PDGFD: variants seen among roughly 807,000 people sequenced by gnomAD.
PDGFD encodes the protein platelet-derived growth factor D.
A neutral mutation model predicts 44.7 loss-of-function variants in PDGFD; 30 were observed. That is an observed-to-expected ratio of 0.67 (90% CI 0.50 to 0.91). The LOEUF (loss-of-function observed/expected upper bound fraction) is 0.91. Among genes scored for constraint, PDGFD ranks in the 40% least tolerant of loss-of-function variants. The pLI is 0.00. For missense variants in PDGFD, 445 were observed against 457.8 expected (o/e 0.97, Z 0.25); for synonymous variants, 173 against 168.4 (o/e 1.03, Z -0.21).
In PDGFD at chr11:104,054,200, C is replaced by T. The variant is rs190605887; in HGVS notation, c.125-53945G>A. 8.5e-5 allele frequency among the ~76,000 whole-genome samples: 13 copies of T among 152,274 alleles called. No individual in the cohort carries two copies. In the East Asian group the frequency reaches 1.7e-3, roughly 20 times the overall value. On this transcript the variant is annotated intron_variant, in intron 1 of 6. Transcript: ENST00000393158. ...TGGGAAGCGATTTCTGCAAAGGAAG[C>T]GAAAAGCTCCACATTGCTGGGAAAT...
chr11:104,029,048 T>C (rs1860087996), intron 1 of PDGFD, among the ~76,000 whole-genome samples: 1 of 152,196 alleles, frequency 6.6e-6, no homozygotes, highest in Non-Finnish European at 1.5e-5. Flanking sequence ...AACAAGAGCA[T>C]ATCAGCAGTT....
chr11:104,043,677 G>A (rs1046383772), intron 1 of PDGFD, among the ~76,000 whole-genome samples: 6 of 152,162 alleles, frequency 3.9e-5, no homozygotes, highest in African/African-American at 1.4e-4. Context: ...ATCTGCTTCT[G>A]GTGAGAGCCT....
chr11:104,149,881 T>C (rs775115217), intron 1 of PDGFD, among the ~76,000 whole-genome samples: 3 of 152,068 alleles, frequency 2.0e-5, no homozygotes, highest in Non-Finnish European at 4.4e-5. Flanking sequence ...AATGAAATGA[T>C]GGTGAAAAAA....
At chr11:104,120,497 C>T (rs192080910) in intron 1 of PDGFD, among the ~76,000 whole-genome samples, 196 of 151,974 alleles carry the variant, frequency 1.3e-3, no homozygotes, top group Non-Finnish European at 2.0e-3. Flanking sequence ...CTGGCACCAA[C>T]GGCCTTCGAT....
rs866246355 is a variant in PDGFD, at chr11:104,049,381, C to T, written c.125-49126G>A. Among the ~76,000 whole-genome samples, 7 of 152,058 alleles carry T rather than the reference C, an allele frequency of 4.6e-5. No individual in the cohort carries two copies. In the South Asian group the frequency reaches 1.0e-3, roughly 23 times the overall value. On this transcript the variant is annotated intron_variant, in intron 1 of 6. Coordinates refer to ENST00000393158, the MANE Select transcript of PDGFD (RefSeq NM_025208.5). ...GAAACTAAGAGTGTTCAAGGACGAACGACAAAGAGAATGGTTAGGGTGGCT... is the reference window on the plus strand; with the variant it reads ...GAAACTAAGAGTGTTCAAGGACGAATGACAAAGAGAATGGTTAGGGTGGCT...
intron 1 of PDGFD, among the ~76,000 whole-genome samples, chr11:104,163,089 T>C (rs918168113): frequency 2.6e-5 from 4 of 152,142 alleles, no homozygotes; most frequent in African/African-American, 9.7e-5. Flanking sequence ...TCAGGAGCTG[T>C]GCTCCTTGTA....
intron 3 of PDGFD, among the ~76,000 whole-genome samples, chr11:103,968,994 A>C (rs1486643135): frequency 1.3e-5 from 2 of 152,184 alleles, no homozygotes; most frequent in Middle Eastern, 3.2e-3. Flanking sequence ...CATTTATCTA[A>C]TTCCACTTCA....
intron 5 of PDGFD, 119 bp from the exon 6 acceptor site, chr11:103,927,245 A>AG: frequency 3.5e-6 from 3 of 862,646 alleles, no homozygotes; most frequent in Non-Finnish European, 5.4e-6. Context: ...CTGGGATTAA[A>AG]TCCATCCTCA....
At chr11:104,029,510 T>G (rs1417273980) in intron 1 of PDGFD, among the ~76,000 whole-genome samples, 1 of 152,240 alleles carries the variant, frequency 6.6e-6, no homozygotes, top group Non-Finnish European at 1.5e-5. Context: ...AAGACAGTTG[T>G]GGAAACATTA....
rs17093699 is a variant in PDGFD, at chr11:103,993,682, C to A, written c.510+2383G>T. ...TGGTCAAACCATATGTGATCTATCCCTGCTGAGCCAAGAATCAAACAGAAG... is the reference window on the plus strand; with the variant it reads ...TGGTCAAACCATATGTGATCTATCCATGCTGAGCCAAGAATCAAACAGAAG... On this transcript the variant is annotated intron_variant, in intron 3 of 6. Transcript: ENST00000393158. 5.8e-3 allele frequency among the ~76,000 whole-genome samples: 881 copies of A among 152,230 alleles called. 9 individuals are homozygous for A. Among genetic ancestry groups the A allele is most frequent in the African/African-American group, 0.02 (834 of 41,552 alleles).
chr11:104,137,954 A>G (rs1016552702), intron 1 of PDGFD, among the ~76,000 whole-genome samples: 9 of 152,156 alleles, frequency 5.9e-5, no homozygotes, highest in Admixed American at 3.3e-4. Flanking sequence ...AGAGTTTTCC[A>G]TTGCTTGCTT....
rs529384077 is a variant in PDGFD, at chr11:103,997,564, T to G, written c.330-1319A>C. 4.6e-5 allele frequency among the ~76,000 whole-genome samples: 7 copies of G among 152,298 alleles called. No individual in the cohort carries two copies. In the South Asian group the frequency reaches 1.4e-3, roughly 32 times the overall value. ...CCATATCTCTTGGGTGCTGTGTAAA[T>G]TAATCACTTAATGTTTATATGGTGC... On this transcript the variant is annotated intron_variant, in intron 2 of 6. Transcript: ENST00000393158.
intron 3 of PDGFD, among the ~76,000 whole-genome samples, chr11:103,961,941 C>T (rs1203490303): frequency 6.6e-6 from 1 of 152,156 alleles, no homozygotes; most frequent in Non-Finnish European, 1.5e-5. Flanking sequence ...CACATCTTCA[C>T]CTCCTCTGCT....
chr11:103,974,026 T>C (rs1460369939), intron 3 of PDGFD, among the ~76,000 whole-genome samples: 1 of 152,122 alleles, frequency 6.6e-6, no homozygotes, highest in African/African-American at 2.4e-5. Flanking sequence ...ATTACAATCC[T>C]GCAGGCAGAG....
intron 3 of PDGFD, among the ~76,000 whole-genome samples, chr11:103,980,713 A>G (rs573582338): frequency 6.6e-6 from 1 of 152,244 alleles, no homozygotes; most frequent in South Asian, 2.1e-4. Flanking sequence ...ATATCACAGT[A>G]TGTAGAGGTA....
At position 103,917,973 on chromosome 11, in the gene PDGFD, T is replaced by C. The variant is rs531425166; in HGVS notation, c.988-8154A>G. The stretch of plus-strand genomic sequence containing the variant: ...TTTAGAATTTTGCCATGCTGTTCCA[T>C]AGACGGTCCAGTGAGGCAGGGAATA... On this transcript the variant is annotated intron_variant, in intron 6 of 6. Coordinates refer to ENST00000393158, the MANE Select transcript of PDGFD (RefSeq NM_025208.5). Among the ~76,000 whole-genome samples the C allele has an allele frequency of 5.9e-5, 9 of 152,312 alleles. No individual in the cohort carries two copies. In the South Asian group the frequency reaches 1.2e-3, roughly 21 times the overall value.
At chr11:104,038,125 T>G (rs1437556500) in intron 1 of PDGFD, 1 of 1,129,174 alleles carries the variant, frequency 8.9e-7, no homozygotes. Context: ...CAACTAAACC[T>G]GGCCTTGGGA....
intron 1 of PDGFD, among the ~76,000 whole-genome samples, chr11:104,070,233 C>T (rs1860854845): frequency 6.6e-6 from 1 of 152,202 alleles, no homozygotes; most frequent in Non-Finnish European, 1.5e-5. Context: ...AACCTGGGTA[C>T]TAAGTGTGTT....
intron 1 of PDGFD, among the ~76,000 whole-genome samples, chr11:104,075,188 C>T (rs1158476646): frequency 6.6e-6 from 1 of 152,156 alleles, no homozygotes; most frequent in South Asian, 2.1e-4. Context: ...CTATAATTTG[C>T]TCTCTTAAAA....
Sources: allele counts gnomAD v4.1 joint callset (sites outside exome capture counted in the v4.1 genomes callset), GRCh38; gene constraint gnomAD v4.1.1; transcripts MANE v1.5; gene names NCBI Gene and HGNC (gene_info 2026-07-23, HGNC 2026-07-21).